The following IL1F10 variants were observed in gnomAD, a reference collection of about 807,000 sequenced individuals.
The protein encoded by IL1F10 is interleukin-1 family member 10.
A neutral mutation model predicts 13.1 loss-of-function variants in IL1F10; 13 were observed. That is an observed-to-expected ratio of 0.99 (90% CI 0.64 to 1.57). The LOEUF (loss-of-function observed/expected upper bound fraction) is 1.57. Among genes scored for constraint, IL1F10 ranks in the 40% most tolerant of loss-of-function variants. The pLI, the probability that IL1F10 is intolerant of heterozygous loss-of-function variation, is 0.00. For missense variants in IL1F10, 191 were observed against 184.1 expected (o/e 1.04, Z -0.22); for synonymous variants, 78 against 68.2 (o/e 1.14, Z -0.71).
chr2:113,071,628 C>T (rs1437483222), intron 1 of IL1F10, among the ~76,000 whole-genome samples: 1 of 152,178 alleles, frequency 6.6e-6, no homozygotes, highest in Non-Finnish European at 1.5e-5. Context: ...TAAAAGCCAC[C>T]TTGGCTACAG....
Position 113,074,771 on chromosome 2 carries a change from C to T in IL1F10, c.167C>T (p.Pro56Leu), listed in dbSNP as rs147638669. The change falls in exon 4 of 5, where the codon CCC (proline) becomes CTC (leucine). Residue 56 changes from proline to leucine, a missense_variant. Transcript: ENST00000341010. The stretch of plus-strand genomic sequence containing the variant: ...AGAGGCTTGGCCCGCACCAAGGTCC[C>T]CATTTTCCTGGGGATCCAGGGAGGG... The part of the protein sequence containing the change: ...PNRGLARTKV[P>L]IFLGIQGGSR... The T allele has an allele frequency of 6.2e-7, 1 of 1,613,912 alleles. No individual in the cohort carries two copies. Among genetic ancestry groups the T allele is most frequent in the South Asian group, 1.1e-5 (1 of 91,060 alleles).
At chr2:113,070,916 C>A (rs28928283) in intron 1 of IL1F10, among the ~76,000 whole-genome samples, 2,260 of 152,308 alleles carry the variant, frequency 0.015, 53 homozygotes, top group African/African-American at 0.05. Flanking sequence ...TGAATTAGAA[C>A]CTTCGGCCCA....
intron 2 of IL1F10, 141 bp from the exon 3 acceptor site, chr2:113,074,188 A>G (rs1165728742): frequency 1.6e-6 from 1 of 644,630 alleles, no homozygotes; most frequent in African/African-American, 1.8e-5. Context: ...CTTGGGAGTG[A>G]CCATTCCCCT....
At chr2:113,075,006 C>G in intron 4 of IL1F10, 146 bp from the exon 5 acceptor site, 1 of 1,214,348 alleles carries the variant, frequency 8.2e-7, no homozygotes, top group Non-Finnish European at 1.2e-6. Context: ...AGCACCAAGA[C>G]CCTTGCCCTC....
At chr2:113,070,088 T>A (rs926945664) in intron 1 of IL1F10, among the ~76,000 whole-genome samples, 1 of 152,026 alleles carries the variant, frequency 6.6e-6, no homozygotes, top group Non-Finnish European at 1.5e-5. Flanking sequence ...GAGAGCCAGA[T>A]GCCATGTCCA....
chr2:113,074,288 C>A, intron 2 of IL1F10, 41 bp from the exon 3 acceptor site: 1 of 1,286,964 alleles, frequency 7.8e-7, no homozygotes, highest in Non-Finnish European at 1.1e-6. Context: ...GCCAGTGGTG[C>A]ATAAAGGGAA....
chr2:113,068,030 A>G lies in IL1F10; in HGVS notation c.-29+14A>G, dbSNP rs1003504368. 6.6e-6 allele frequency: 1 copy of G among 152,290 alleles called. No homozygotes were observed. The highest frequency in any genetic ancestry group is 2.4e-5 in the African/African-American group (1 of 41,440). 9.4% of individuals were successfully genotyped at this position (152,290 alleles called of 1,614,324 possible). ...CAGGATCTGCAGGTCAGTGATGGAC[A>G]GGCAATATTCTCTCTCTCTTTTCTT... On this transcript the variant is annotated intron_variant, in intron 1 of 4. Transcript: ENST00000341010.
intron 1 of IL1F10, 100 bp from the exon 2 acceptor site, chr2:113,072,611 A>C: frequency 1.4e-5 from 10 of 724,128 alleles, no homozygotes; most frequent in Non-Finnish European, 2.1e-5. Flanking sequence ...GGCCTGGGGA[A>C]CCCGTGCAGC....
chr2:113,072,809 G>A, intron 2 of IL1F10, 39 bp downstream of exon 2: 2 of 1,579,928 alleles, frequency 1.3e-6, no homozygotes, highest in East Asian at 2.2e-5. Context: ...CCAAGCCAGG[G>A]GGTCAGGGTG....
At position 113,075,358 on chromosome 2, in the gene IL1F10, C is replaced by A; in HGVS notation, c.453C>A (p.Ser151Arg). 1.3e-6 allele frequency: 2 copies of A among 1,566,760 alleles called. No homozygotes were observed. Among genetic ancestry groups the A allele is most frequent in the South Asian group, 1.2e-5 (1 of 85,952 alleles). The change falls in exon 5 of 5, where the codon AGC becomes AGA. Residue 151 changes from serine to arginine, a missense_variant. Ser to Arg is a moderately radical substitution (Grantham distance 110). Coordinates refer to ENST00000341010, the MANE Select transcript of IL1F10 (RefSeq NM_173161.3). Reference protein sequence around the residue: ...SARTKFYFEQSW With the variant: ...SARTKFYFEQRW The stretch of plus-strand genomic sequence containing the variant: ...GTACCAAGTTTTACTTTGAACAGAG[C>A]TGGTAGGGAGACAGGAAACTGCGTT...
chr2:113,075,116 A>T, intron 4 of IL1F10, 36 bp from the exon 5 acceptor site: 1 of 1,551,072 alleles, frequency 6.4e-7, no homozygotes, highest in Non-Finnish European at 8.8e-7. Flanking sequence ...CTCCATCAGC[A>T]CTCTCATTCT....
chr2:113,074,545 G>A, intron 3 of IL1F10, 131 bp downstream of exon 3: 2 of 1,061,516 alleles, frequency 1.9e-6, no homozygotes, highest in Admixed American at 1.7e-5. Flanking sequence ...AGCAGCTGTG[G>A]CCTCTCCTAG....
intron 2 of IL1F10, among the ~76,000 whole-genome samples, chr2:113,073,582 C>G (rs1394934300): frequency 6.6e-6 from 1 of 152,224 alleles, no homozygotes; most frequent in Non-Finnish European, 1.5e-5. Context: ...TCTGGGTTGT[C>G]AAGGTGGCAA....
rs1439159396 is a variant in IL1F10 at position 113,074,905 on chromosome 2, G to A, written c.246+55G>A. 1.9e-6 allele frequency: 3 copies of A among 1,582,332 alleles called. No homozygotes were observed. The African/African-American group carries it at 4.1e-5, about 21-fold the overall frequency. On this transcript the variant is annotated intron_variant, in intron 4 of 4. Coordinates refer to ENST00000341010, the MANE Select transcript of IL1F10 (RefSeq NM_173161.3). ...ACTGCAGACCTGGCCTGACCCCTGG[G>A]ATGCTCTGGCATCTTTGTGCCTATC...
intron 2 of IL1F10, among the ~76,000 whole-genome samples, chr2:113,073,756 G>A (rs904771704): frequency 2.6e-5 from 4 of 152,150 alleles, no homozygotes; most frequent in African/African-American, 9.7e-5. Context: ...CAGAGGTTCT[G>A]CCCTAAAAGG....
intron 3 of IL1F10, 33 bp downstream of exon 3, chr2:113,074,447 T>A (rs1175199847): frequency 5.3e-6 from 8 of 1,495,830 alleles, no homozygotes; most frequent in South Asian, 1.1e-5. Context: ...CCATGCTCCA[T>A]CTGCCATAGG....
intron 2 of IL1F10, among the ~76,000 whole-genome samples, chr2:113,074,070 T>A (rs539508592): frequency 5.9e-5 from 9 of 152,108 alleles, no homozygotes; most frequent in Admixed American, 6.5e-5. Context: ...CTCTCCGTTC[T>A]CCTCTGAAGG....
In IL1F10 at chr2:113,075,303, A is replaced by T; in HGVS notation, c.398A>T (p.Gln133Leu). The change falls in exon 5 of 5, where the codon CAG becomes CTG. Residue 133 changes from glutamine to leucine, a missense_variant. By Grantham distance (113) the Gln-to-Leu change is moderately radical. Coordinates refer to ENST00000341010, the MANE Select transcript of IL1F10 (RefSeq NM_173161.3). ...CCGGCAGAGCCCCAGCAGCCAGTAC[A>T]GCTCACCAAGGAGAGTGAGCCCTCA... The part of the protein sequence containing the change: ...CGPAEPQQPV[Q>L]LTKESEPSAR... 6.2e-7 allele frequency: 1 copy of T among 1,606,456 alleles called. No individual in the cohort carries two copies. The highest frequency in any genetic ancestry group is 8.5e-7 in the Non-Finnish European group (1 of 1,173,954).
At chr2:113,069,341 T>A (rs536519677) in intron 1 of IL1F10, among the ~76,000 whole-genome samples, 1 of 152,262 alleles carries the variant, frequency 6.6e-6, no homozygotes, top group South Asian at 2.1e-4. Flanking sequence ...ATTCCTCACA[T>A]AGGTTGGAAT....
Sources: allele counts gnomAD v4.1 joint callset (sites outside exome capture counted in the v4.1 genomes callset), GRCh38; gene constraint gnomAD v4.1.1; transcripts MANE v1.5; gene names NCBI Gene and HGNC (gene_info 2026-07-23, HGNC 2026-07-21).